Variants in ZNF324B observed in about 807,000 individuals in gnomAD.
ZNF324B encodes zinc finger protein 324B.
Under a neutral mutation model 10.6 loss-of-function variants are expected in ZNF324B, and 7 were observed. The observed-to-expected ratio is 0.66, with a 90% confidence interval of 0.38 to 1.24. The LOEUF (loss-of-function observed/expected upper bound fraction) is 1.24, where lower values mean the gene tolerates loss of function less well. Among genes scored for constraint, ZNF324B ranks in the 50% most tolerant of loss-of-function variants. The pLI, the probability that ZNF324B is intolerant of heterozygous loss-of-function variation, is 0.02. For missense variants in ZNF324B, 640 were observed against 764.7 expected, an observed-to-expected ratio of 0.84 and a Z score of 1.92; for synonymous variants, 316 against 321.0, an observed-to-expected ratio of 0.98 and a Z score of 0.17.
rs917928718 is a variant in ZNF324B at position 58,457,378 on chromosome 19, C to G, written c.*799C>G. On this transcript the variant is annotated 3_prime_UTR_variant, in exon 4 of 4. Coordinates refer to ENST00000336614, the MANE Select transcript of ZNF324B (RefSeq NM_207395.3). ...GTTCAGGTTTTCGTCCAAGTCTCAG[C>G]TTGGCCAAGGCCTGTCGCTCACTCA... 1 of 152,572 alleles carries G rather than the reference C, an allele frequency of 6.6e-6. No homozygotes were observed. The highest frequency in any genetic ancestry group is 2.4e-5 in the African/African-American group (1 of 41,470). 9.5% of individuals were successfully genotyped at this position (152,572 alleles called of 1,614,324 possible).
At chr19:58,437,148 G>C in the ZNF324B span, 1 of 1,614,118 alleles carries the variant, frequency 6.2e-7, no homozygotes, top group Non-Finnish European at 8.5e-7. Context: ...GAAGTATACA[G>C]CCACATCTTC....
At chr19:58,453,937 G>A (rs1473908896) in intron 2 of ZNF324B, 115 bp downstream of exon 2, 4 of 1,455,672 alleles carry the variant, frequency 2.7e-6, no homozygotes, top group East Asian at 2.4e-5. Flanking sequence ...GTGGAACAAG[G>A]GTCTGGTCCT....
In ZNF324B at chr19:58,454,347, G is replaced by A; in HGVS notation, c.238+3G>A. On this transcript the variant is annotated splice_donor_region_variant and intron_variant, in intron 3 of 3. Transcript: ENST00000336614. ...CACCTACGGGAGGCTCAACTCTGGT[G>A]AGTGGGAGCTCAGGTGGGGTGAACT... 2 of 1,603,040 alleles carry A rather than the reference G, an allele frequency of 1.2e-6. No homozygotes were observed. Among genetic ancestry groups the A allele is most frequent in the Non-Finnish European group, 1.7e-6 (2 of 1,169,880 alleles).
chr19:58,427,383 T>C, the ZNF324B span, among the ~76,000 whole-genome samples: 16 of 47,230 alleles, frequency 3.4e-4, no homozygotes, highest in East Asian at 3.9e-3. Context: ...TCTTTCTTTC[T>C]TTCTTTCTTT....
chr19:58,427,353 T>C, the ZNF324B span, among the ~76,000 whole-genome samples: 66 of 56,018 alleles, frequency 1.2e-3, no homozygotes, highest in African/African-American at 3.9e-3. Context: ...CTCTTTCCTT[T>C]CTTTCTTTCT....
Position 58,456,972 on chromosome 19 carries a change from T to G in ZNF324B, c.*393T>G. The G allele has an allele frequency of 4.0e-6, 1 of 249,568 alleles. No individual in the cohort carries two copies. Among genetic ancestry groups the G allele is most frequent in the African/African-American group, 2.2e-5 (1 of 45,798 alleles). The allele number at this position is 249,568 out of a possible 1,614,324, so 15.5% of individuals were successfully genotyped here. A position where few individuals can be genotyped will look rare whatever the true frequency, so the allele number is the denominator to read the frequency against. The stretch of plus-strand genomic sequence containing the variant: ...TGGGGTAGGATGACCTAGAGAAACT[T>G]ATGATGTCTGCACACAAACTGGCCG... On this transcript the variant is annotated 3_prime_UTR_variant, in exon 4 of 4. Coordinates refer to ENST00000336614, the MANE Select transcript of ZNF324B (RefSeq NM_207395.3). The surrounding 1 kb of genome is among the most constrained non-coding windows in gnomAD (Gnocchi z 4.7).
upstream of ZNF324B, among the ~76,000 whole-genome samples, chr19:58,447,372 G>A (rs558871356): frequency 6.6e-6 from 1 of 152,212 alleles, no homozygotes; most frequent in East Asian, 1.9e-4. Flanking sequence ...GCAGGGTAGG[G>A]GTCTGAGCCA....
chr19:58,434,826 G>A, the ZNF324B span: 15 of 1,614,176 alleles, frequency 9.3e-6, no homozygotes, highest in South Asian at 8.8e-5. Flanking sequence ...GCTGGAGGAG[G>A]TCACAGCTGC....
chr19:58,433,905 C>T, the ZNF324B span: 1 of 1,613,980 alleles, frequency 6.2e-7, no homozygotes, highest in Non-Finnish European at 8.5e-7. Context: ...ACTCATAAGG[C>T]CTTTGCCCAG....
In ZNF324B at chr19:58,451,690, C is replaced by T. The variant is rs879015009; in HGVS notation, c.-21C>T. On this transcript the variant is annotated 5_prime_UTR_variant, in exon 1 of 4. Transcript: ENST00000336614. ...GTGGCGCGCGGGTCGGGGCCCGAGGCGGGCGGCCAGGAAGGTACGGACCAC... is the reference window on the plus strand; with the variant it reads ...GTGGCGCGCGGGTCGGGGCCCGAGGTGGGCGGCCAGGAAGGTACGGACCAC... The T allele has an allele frequency of 1.2e-5, 6 of 499,386 alleles. No individual in the cohort carries two copies. Among genetic ancestry groups the T allele is most frequent in the Middle Eastern group, 3.3e-4 (1 of 3,044 alleles). 30.9% of individuals were successfully genotyped at this position (499,386 alleles called of 1,614,324 possible).
chr19:58,438,532 G>T, the ZNF324B span, among the ~76,000 whole-genome samples: 1 of 145,318 alleles, frequency 6.9e-6, no homozygotes, highest in Non-Finnish European at 1.5e-5. Flanking sequence ...GGAGTGCAGT[G>T]GCGCGATCTT....
At chr19:58,444,191 A>G in the ZNF324B span, 2 of 152,134 alleles carry the variant, frequency 1.3e-5, no homozygotes, top group African/African-American at 2.4e-5. Flanking sequence ...CTGACACTCT[A>G]TCCTACTTTG....
the ZNF324B span, chr19:58,437,819 A>G: frequency 1.0e-6 from 1 of 984,828 alleles, no homozygotes; most frequent in Non-Finnish European, 1.2e-6. Context: ...CCTCAAGTCA[A>G]TGCCTCCCCT....
At chr19:58,430,007 T>G in the ZNF324B span, 3 of 152,214 alleles carry the variant, frequency 2.0e-5, no homozygotes, top group African/African-American at 7.2e-5. Flanking sequence ...TAACTAAATT[T>G]AGCAAAGATG....
chr19:58,427,358 C>CT, the ZNF324B span, among the ~76,000 whole-genome samples: 2 of 55,158 alleles, frequency 3.6e-5, 1 homozygote, highest in African/African-American at 1.1e-4. Flanking sequence ...TCCTTTCTTT[C>CT]TTTCTTTCTT....
At chr19:58,443,623 A>G in the ZNF324B span, 1 of 152,264 alleles carries the variant, frequency 6.6e-6, no homozygotes, top group Non-Finnish European at 1.5e-5. Context: ...CCTGTGTAGC[A>G]TATCACATGC....
At chr19:58,433,482 G>C in the ZNF324B span, 1 of 1,614,010 alleles carries the variant, frequency 6.2e-7, no homozygotes, top group Non-Finnish European at 8.5e-7. Context: ...TGCACTCATA[G>C]GGCCTTTCTT....
rs2052925430 is a variant in ZNF324B at position 58,456,558 on chromosome 19, C to T, written c.1614C>T (p.Val538=). 6.2e-7 allele frequency: 1 copy of T among 1,613,964 alleles called. No homozygotes were observed. Among genetic ancestry groups the T allele is most frequent in the Non-Finnish European group, 8.5e-7 (1 of 1,179,890 alleles). The change falls in exon 4 of 4, where the codon GTC becomes GTT. Residue 538 remains valine (V), a synonymous_variant. Coordinates refer to ENST00000336614, the MANE Select transcript of ZNF324B (RefSeq NM_207395.3). This position sits in a 1 kb window ranked among gnomAD's most constrained non-coding sequence, Gnocchi z 4.7. ...KVRRGGKPSP[V]LKPAKV ...GCCGGGGAGGGAAGCCAAGCCCAGT[C>T]CTGAAGCCAGCGAAGGTCTGAGGTC...
At chr19:58,431,465 T>C in the ZNF324B span, among the ~76,000 whole-genome samples, 2 of 152,134 alleles carry the variant, frequency 1.3e-5, no homozygotes, top group African/African-American at 4.8e-5. Context: ...CTTGCTATGT[T>C]GCCCTGGATG....
Sources: gnomAD v4.1 joint callset for allele counts (sites outside exome capture counted in the v4.1 genomes callset) on GRCh38, gnomAD v4.1.1 for gene constraint, Gnocchi (gnomAD v3.1) non-coding constraint, MANE v1.5 for transcripts, NCBI Gene and HGNC (gene_info 2026-07-23, HGNC 2026-07-21) for gene names.